The following RUNX2 variants were observed in gnomAD, a reference collection of about 807,000 sequenced individuals.
The protein encoded by RUNX2 is runt-related transcription factor 2.
RUNX2 carries 10 observed loss-of-function variants against 51.7 expected under a neutral mutation model. The observed-to-expected ratio is 0.19, with a 90% CI of 0.12 to 0.33. The LOEUF is 0.33. RUNX2 is among the 10% of genes least tolerant of loss of function. RUNX2 has a pLI of 1.00. For synonymous variants in RUNX2, 276 were observed against 273.6 expected (o/e 1.01, Z -0.09); for missense variants, 562 against 691.3 (o/e 0.81, Z 2.10).
intron 2 of RUNX2, among the ~76,000 whole-genome samples, chr6:45,399,813 GGGAAGTAAGGAA>G (rs1797667016): frequency 1.4e-5 from 2 of 143,792 alleles, no homozygotes; most frequent in Non-Finnish European, 3.1e-5. Flanking sequence ...GAAGGAGGGA[GGGAAGTAAGGAA>G]GGAAGGAAGG....
chr6:45,449,218 C>T (rs1359732770), intron 5 of RUNX2, among the ~76,000 whole-genome samples: 2 of 152,212 alleles, frequency 1.3e-5, no homozygotes, highest in South Asian at 2.1e-4. Flanking sequence ...TCTATTTCTT[C>T]ATCTTTCAAA....
At chr6:45,531,198 G>A (rs192611746) in intron 7 of RUNX2, among the ~76,000 whole-genome samples, 194 of 152,136 alleles carry the variant, frequency 1.3e-3, no homozygotes, top group African/African-American at 4.4e-3. Context: ...TATCAGAATC[G>A]GACTTTGCTA....
At chr6:45,334,449 C>CAA (rs551014969) in intron 2 of RUNX2, among the ~76,000 whole-genome samples, 30 of 91,728 alleles carry the variant, frequency 3.3e-4, no homozygotes, top group East Asian at 7.2e-4. Context: ...TCAGGAAAAG[C>CAA]AAAAAAAAAA....
intron 5 of RUNX2, among the ~76,000 whole-genome samples, chr6:45,476,012 C>A (rs1799945919): frequency 6.6e-6 from 1 of 152,216 alleles, no homozygotes; most frequent in East Asian, 1.9e-4. Context: ...AACTTGGTGG[C>A]TCAGACTTTC....
intron 2 of RUNX2, among the ~76,000 whole-genome samples, chr6:45,393,170 T>A (rs1255887900): frequency 6.6e-6 from 1 of 152,234 alleles, no homozygotes; most frequent in Non-Finnish European, 1.5e-5. Flanking sequence ...TCTGATAATT[T>A]CAAAATCTCT....
intron 2 of RUNX2, among the ~76,000 whole-genome samples, chr6:45,401,764 C>G (rs1156790193): frequency 6.6e-6 from 1 of 152,244 alleles, no homozygotes; most frequent in Non-Finnish European, 1.5e-5. Flanking sequence ...GTACATCTTC[C>G]TAATGTAGAC....
At chr6:45,545,671 T>C (rs1245810171) in intron 8 of RUNX2, among the ~76,000 whole-genome samples, 1 of 152,166 alleles carries the variant, frequency 6.6e-6, no homozygotes, top group Non-Finnish European at 1.5e-5. Context: ...ATCTGAATAA[T>C]CAAAATATTT....
intron 5 of RUNX2, among the ~76,000 whole-genome samples, chr6:45,461,992 A>T (rs1022893769): frequency 1.2e-4 from 18 of 152,286 alleles, no homozygotes; most frequent in African/African-American, 3.1e-4. Context: ...CTGCTAAAGA[A>T]TTCTGTCAAA....
At position 45,437,932 on chromosome 6, in the gene RUNX2, C is replaced by T. The variant is rs954604070; in HGVS notation, c.581-15C>T. The T allele has an allele frequency of 6.3e-7, 1 of 1,578,612 alleles. No individual in the cohort carries two copies. The highest frequency in any genetic ancestry group is 1.4e-5 in the African/African-American group (1 of 74,066). ...TTTAATATTCACTGTATATTTTCCC[C>T]TTTTATATCTGCAGGCAAGAGTTTC... On this transcript the variant is annotated splice_polypyrimidine_tract_variant and intron_variant, in intron 4 of 8. Transcript: ENST00000647337.
intron 4 of RUNX2, among the ~76,000 whole-genome samples, chr6:45,433,837 T>C (rs1428108522): frequency 1.3e-5 from 2 of 152,208 alleles, no homozygotes; most frequent in African/African-American, 2.4e-5. Context: ...GCATGGAAGA[T>C]GAAGAAAGCT....
At chr6:45,468,505 C>T (rs1799705457) in intron 5 of RUNX2, among the ~76,000 whole-genome samples, 1 of 152,068 alleles carries the variant, frequency 6.6e-6, no homozygotes, top group Non-Finnish European at 1.5e-5. Context: ...AATGATGTTA[C>T]TGTTAGCGAA....
intron 2 of RUNX2, among the ~76,000 whole-genome samples, chr6:45,387,014 G>T (rs1797362775): frequency 2.0e-5 from 3 of 152,202 alleles, no homozygotes; most frequent in Non-Finnish European, 4.4e-5. Flanking sequence ...TCAGGAAGAG[G>T]TGATACGGGC....
chr6:45,426,880 C>A (rs1407697959), intron 3 of RUNX2, among the ~76,000 whole-genome samples: 1 of 152,030 alleles, frequency 6.6e-6, no homozygotes, highest in African/African-American at 2.4e-5. Context: ...ATACTTGATA[C>A]CAGTGAGTAG....
At chr6:45,510,260 GAA>G (rs1489698185) in intron 6 of RUNX2, among the ~76,000 whole-genome samples, 1 of 152,194 alleles carries the variant, frequency 6.6e-6, no homozygotes, top group Non-Finnish European at 1.5e-5. Context: ...ATTTCTGAAG[GAA>G]AAGTTTGTTA....
intron 2 of RUNX2, among the ~76,000 whole-genome samples, chr6:45,414,587 C>A (rs1798023135): frequency 6.6e-6 from 1 of 151,952 alleles, no homozygotes; most frequent in Non-Finnish European, 1.5e-5. Context: ...TTTAATACAG[C>A]GTTTTCCCAA....
chr6:45,341,262 G>C (rs911202388), intron 2 of RUNX2, among the ~76,000 whole-genome samples: 1 of 152,120 alleles, frequency 6.6e-6, no homozygotes, highest in African/African-American at 2.4e-5. Flanking sequence ...CAGTCTATAT[G>C]GTTTTGAGAA....
Position 45,371,988 on chromosome 6 carries a change from G to A in RUNX2, c.58+43204G>A, listed in dbSNP as rs530091694. 42 of 879,720 alleles carry A rather than the reference G, an allele frequency of 4.8e-5. No individual in the cohort carries two copies. The African/African-American group carries it at 7.4e-4, about 16-fold the overall frequency. 54.5% of individuals were successfully genotyped at this position (879,720 alleles called of 1,614,324 possible). On this transcript the variant is annotated intron_variant, in intron 2 of 8. Transcript: ENST00000647337. ...CTAAAACTGAGGTCCCCCGACACCTGGTCCAGAGTTCTTTCTACTATACAT... is the reference window on the plus strand; with the variant it reads ...CTAAAACTGAGGTCCCCCGACACCTAGTCCAGAGTTCTTTCTACTATACAT...
At chr6:45,520,970 C>A (rs1015584787) in intron 7 of RUNX2, among the ~76,000 whole-genome samples, 2 of 152,204 alleles carry the variant, frequency 1.3e-5, no homozygotes, top group Non-Finnish European at 2.9e-5. Context: ...CCCGCCTCGG[C>A]CTCCCAAAGT....
rs773845542 is a variant in RUNX2 at position 45,328,448 on chromosome 6, A to T, written c.-79A>T. The T allele has an allele frequency of 2.0e-6, 3 of 1,466,976 alleles. No homozygotes were observed. The highest frequency in any genetic ancestry group is 2.8e-6 in the Non-Finnish European group (3 of 1,087,084). 90.9% of individuals were successfully genotyped at this position (1,466,976 alleles called of 1,614,324 possible). On this transcript the variant is annotated 5_prime_UTR_variant, in exon 1 of 9. Transcript: ENST00000647337. Reference sequence around the variant, plus strand: ...CCGCAGGTCACTACCAGCCACCGAGACCAACAGAGTCAGTGAGTGCTCTCT... The same window carrying T: ...CCGCAGGTCACTACCAGCCACCGAGTCCAACAGAGTCAGTGAGTGCTCTCT...
Sources: gnomAD v4.1 joint callset for allele counts (sites outside exome capture counted in the v4.1 genomes callset) on GRCh38, gnomAD v4.1.1 for gene constraint, MANE v1.5 for transcripts, NCBI Gene and HGNC (gene_info 2026-07-23, HGNC 2026-07-21) for gene names.